The following DGKB variants were observed in gnomAD, a reference collection of about 807,000 sequenced individuals.
The protein encoded by DGKB is diacylglycerol kinase beta.
A neutral mutation model predicts 114.3 loss-of-function variants in DGKB; 67 were observed. That is an observed-to-expected ratio of 0.59 (90% CI 0.48 to 0.72). The LOEUF (loss-of-function observed/expected upper bound fraction) is 0.72, where lower values mean the gene tolerates loss of function less well. Ranked by LOEUF, DGKB falls within the 30% of genes least tolerant of loss-of-function variation. The pLI is 0.00. For missense variants in DGKB, 907 were observed against 975.2 expected, an observed-to-expected ratio of 0.93 and a Z score of 0.93; for synonymous variants, 398 against 323.1, an observed-to-expected ratio of 1.23 and a Z score of -2.49.
intron 23 of DGKB, among the ~76,000 whole-genome samples, chr7:14,216,004 C>T (rs1788898111): frequency 6.6e-6 from 1 of 152,000 alleles, no homozygotes; most frequent in Non-Finnish European, 1.5e-5. Flanking sequence ...TTACTATATA[C>T]CAAGTTTTAT....
chr7:14,517,086 T>C (rs1286346206), intron 20 of DGKB, among the ~76,000 whole-genome samples: 1 of 152,082 alleles, frequency 6.6e-6, no homozygotes, highest in Non-Finnish European at 1.5e-5. Flanking sequence ...CCAATCCGCA[T>C]GGTACTGCTA....
At chr7:14,253,026 T>A (rs1313475358) in intron 23 of DGKB, among the ~76,000 whole-genome samples, 1 of 151,962 alleles carries the variant, frequency 6.6e-6, no homozygotes, top group Non-Finnish European at 1.5e-5. Flanking sequence ...ATGTAAATGA[T>A]TGTTTAAATT....
chr7:14,592,281 C>T (rs1005692654), intron 17 of DGKB, among the ~76,000 whole-genome samples: 1 of 134,170 alleles, frequency 7.5e-6, no homozygotes, highest in African/African-American at 2.7e-5. Context: ...AATGACTTTA[C>T]CATATGTCAT....
intron 21 of DGKB, among the ~76,000 whole-genome samples, chr7:14,427,456 T>G (rs1336634531): frequency 6.6e-6 from 1 of 152,140 alleles, no homozygotes; most frequent in Non-Finnish European, 1.5e-5. Flanking sequence ...CTCTGCCCAG[T>G]TACCCAGTTC....
intron 1 of DGKB, among the ~76,000 whole-genome samples, chr7:14,849,491 G>C (rs1322887088): frequency 6.6e-6 from 1 of 152,002 alleles, no homozygotes; most frequent in Non-Finnish European, 1.5e-5. Context: ...TGACAATGCA[G>C]CAAGAAGGCC....
At chr7:14,732,382 A>T (rs1041108550) in intron 5 of DGKB, among the ~76,000 whole-genome samples, 22 of 152,294 alleles carry the variant, frequency 1.4e-4, no homozygotes, top group African/African-American at 5.1e-4. Context: ...TTTTTCAGCC[A>T]CAAAAACACC....
intron 13 of DGKB, among the ~76,000 whole-genome samples, chr7:14,661,251 A>T (rs1277084544): frequency 1.4e-5 from 2 of 147,722 alleles, no homozygotes; most frequent in African/African-American, 5.0e-5. Flanking sequence ...AGAAGCTACC[A>T]TCTGAGTGAA....
intron 21 of DGKB, among the ~76,000 whole-genome samples, chr7:14,458,278 G>A (rs1832588540): frequency 6.6e-6 from 1 of 152,072 alleles, no homozygotes; most frequent in African/African-American, 2.4e-5. Flanking sequence ...TACATAATAA[G>A]TGAACCATCT....
intron 4 of DGKB, among the ~76,000 whole-genome samples, chr7:14,747,775 G>GCGCGCGCGCACACACACACA: frequency 7.4e-4 from 111 of 149,276 alleles, no homozygotes; most frequent in African/African-American, 2.6e-3. Flanking sequence ...ACATCCACGC[G>GCGCGCGCGCACACACACACA]CACGCACACA....
At chr7:14,314,647 T>G (rs1301318057) in intron 23 of DGKB, among the ~76,000 whole-genome samples, 1 of 152,120 alleles carries the variant, frequency 6.6e-6, no homozygotes, top group Non-Finnish European at 1.5e-5. Flanking sequence ...AGACCAAATC[T>G]ACGTCTGACT....
chr7:14,967,696 A>G (rs185814026), intron 1 of DGKB, among the ~76,000 whole-genome samples: 224 of 152,032 alleles, frequency 1.5e-3, no homozygotes, highest in African/African-American at 5.2e-3. Context: ...ATTAAAAACA[A>G]AACTTTATTT....
chr7:14,604,796 C>G (rs1031214012), intron 17 of DGKB, among the ~76,000 whole-genome samples: 1 of 152,068 alleles, frequency 6.6e-6, no homozygotes, highest in Admixed American at 6.6e-5. Context: ...AGGGCAACAT[C>G]ATAGCCTGGC....
At chr7:14,913,725 T>TA (rs1463344607) in intron 1 of DGKB, among the ~76,000 whole-genome samples, 1 of 152,008 alleles carries the variant, frequency 6.6e-6, no homozygotes, top group East Asian at 1.9e-4. Context: ...ACTTGCTAGA[T>TA]AAAAAATAAT....
rs184100260 is a variant in DGKB, at chr7:14,856,484, A to G, written c.-187-15034T>C. On this transcript the variant is annotated intron_variant, in intron 1 of 25. Coordinates refer to ENST00000402815, the MANE Select transcript of DGKB (RefSeq NM_001350709.2). ...TTCTTTTACTGAATGTGAAATATAT[A>G]TAGTATCCACACATTATAGTACCAT... Among the ~76,000 whole-genome samples, 946 of 152,240 alleles carry G rather than the reference A, an allele frequency of 6.2e-3. 11 individuals carry two copies. The highest frequency in any genetic ancestry group is 0.022 in the African/African-American group (899 of 41,550).
chr7:14,410,520 A>G (rs1824691028), intron 21 of DGKB, among the ~76,000 whole-genome samples: 1 of 152,128 alleles, frequency 6.6e-6, no homozygotes, highest in African/African-American at 2.4e-5. Flanking sequence ...TCTTTCAAGA[A>G]TTATTTAACA....
intron 17 of DGKB, among the ~76,000 whole-genome samples, chr7:14,600,183 T>C (rs971954099): frequency 1.3e-5 from 2 of 152,160 alleles, no homozygotes; most frequent in African/African-American, 2.4e-5. Flanking sequence ...TATCTTCACA[T>C]GGCAGTAGAA....
chr7:14,206,088 C>G (rs1001689509), intron 23 of DGKB, among the ~76,000 whole-genome samples: 3 of 151,878 alleles, frequency 2.0e-5, no homozygotes, highest in Admixed American at 1.3e-4. Flanking sequence ...TCTCTTAAAA[C>G]TTGGCTTTAC....
chr7:14,855,619 A>G (rs1850034818), intron 1 of DGKB, among the ~76,000 whole-genome samples: 1 of 152,126 alleles, frequency 6.6e-6, no homozygotes, highest in Non-Finnish European at 1.5e-5. Flanking sequence ...TTCCTAGGTT[A>G]TAGGTGAGTA....
chr7:14,220,884 T>C (rs1789827663), intron 23 of DGKB, among the ~76,000 whole-genome samples: 1 of 151,494 alleles, frequency 6.6e-6, no homozygotes, highest in Non-Finnish European at 1.5e-5. Context: ...TTTTGCAGTT[T>C]TGAATTTCAT....
Sources: allele counts gnomAD v4.1 joint callset (sites outside exome capture counted in the v4.1 genomes callset), GRCh38; gene constraint gnomAD v4.1.1; transcripts MANE v1.5; gene names NCBI Gene and HGNC (gene_info 2026-07-23, HGNC 2026-07-21).